The following TOMM70 variants were observed in gnomAD, a reference collection of about 807,000 sequenced individuals.
TOMM70 encodes mitochondrial import receptor subunit TOM70.
TOMM70 carries 13 observed loss-of-function variants against 73.6 expected under a neutral mutation model. That is an observed-to-expected ratio of 0.18 (90% CI 0.11 to 0.28). TOMM70 has a LOEUF of 0.28. TOMM70 is among the 10% of genes least tolerant of loss of function. The pLI, the probability that TOMM70 is intolerant of heterozygous loss-of-function variation, is 1.00. For missense variants in TOMM70, 609 were observed against 747.5 expected (o/e 0.81, Z 2.16); for synonymous variants, 257 against 271.2 (o/e 0.95, Z 0.51).
intron 4 of TOMM70, among the ~76,000 whole-genome samples, chr3:100,383,555 A>G (rs1235355232): frequency 6.6e-6 from 1 of 151,754 alleles, no homozygotes; most frequent in Non-Finnish European, 1.5e-5. Context: ...GAGACTGGGA[A>G]CCACTACAGC....
Position 100,367,009 on chromosome 3 carries a change from CGA to C in TOMM70, c.1673+1033_1673+1034del, listed in dbSNP as rs1706453685. Among the ~76,000 whole-genome samples the C allele has an allele frequency of 2.0e-5, 3 of 152,260 alleles. No homozygotes were observed. The South Asian group carries it at 6.2e-4, about 32-fold the overall frequency. ...CTGAGATGGGCAAATCACTTGAGGC[CGA>C]GAGTTTGAGACCATCCTGGCCAACA... On this transcript the variant is annotated intron_variant, in intron 11 of 11. Transcript: ENST00000284320.
intron 9 of TOMM70, among the ~76,000 whole-genome samples, chr3:100,371,130 C>T (rs1255028225): frequency 1.3e-5 from 2 of 152,124 alleles, no homozygotes; most frequent in Admixed American, 6.5e-5. Context: ...CATAGTTCCA[C>T]CCTCAATAAA....
At chr3:100,394,509 T>A (rs144554254) in intron 1 of TOMM70, among the ~76,000 whole-genome samples, 6 of 103,578 alleles carry the variant, frequency 5.8e-5, no homozygotes, top group Non-Finnish European at 1.0e-4. Context: ...TTACTTACTT[T>A]CTTTCTTTTT....
intron 1 of TOMM70, among the ~76,000 whole-genome samples, chr3:100,390,830 A>C (rs1706750894): frequency 6.6e-6 from 1 of 151,976 alleles, no homozygotes; most frequent in South Asian, 2.1e-4. Context: ...CTGCATCCCA[A>C]AAGAAACAAA....
intron 9 of TOMM70, among the ~76,000 whole-genome samples, chr3:100,369,498 ATTTTTT>A (rs11327711): frequency 1.5e-5 from 2 of 137,734 alleles, no homozygotes; most frequent in East Asian, 4.3e-4. Flanking sequence ...GCCCAAGGGA[ATTTTTT>A]TTTTTTTTTT....
chr3:100,386,708 C>CA, intron 2 of TOMM70, 97 bp downstream of exon 2: 1 of 1,417,662 alleles, frequency 7.1e-7, no homozygotes, highest in African/African-American at 1.5e-5. Context: ...GAAACAACTT[C>CA]AAAAAATGTA....
intron 1 of TOMM70, among the ~76,000 whole-genome samples, chr3:100,387,419 C>A (rs1034787884): frequency 6.6e-6 from 1 of 152,018 alleles, no homozygotes; most frequent in Non-Finnish European, 1.5e-5. Flanking sequence ...TGTACTCCAG[C>A]CTTGGTGAGA....
intron 11 of TOMM70, among the ~76,000 whole-genome samples, chr3:100,366,134 C>T (rs1266776921): frequency 1.3e-5 from 2 of 152,142 alleles, no homozygotes; most frequent in Admixed American, 6.5e-5. Flanking sequence ...GACATAATAC[C>T]GGGACACTAA....
At chr3:100,394,123 T>G (rs1422902688) in intron 1 of TOMM70, among the ~76,000 whole-genome samples, 2 of 152,248 alleles carry the variant, frequency 1.3e-5, no homozygotes, top group Non-Finnish European at 2.9e-5. Flanking sequence ...TACATTAATC[T>G]GCGTGTGAGA....
intron 1 of TOMM70, among the ~76,000 whole-genome samples, chr3:100,399,936 G>C (rs570490684): frequency 2.0e-5 from 3 of 152,068 alleles, no homozygotes; most frequent in Non-Finnish European, 4.4e-5. Flanking sequence ...TGGCAGGAGA[G>C]GTTACGGGCG....
At chr3:100,390,103 C>T (rs1706741568) in intron 1 of TOMM70, among the ~76,000 whole-genome samples, 1 of 151,996 alleles carries the variant, frequency 6.6e-6, no homozygotes, top group South Asian at 2.1e-4. Flanking sequence ...GGCTCCAAGA[C>T]AAAAGGTCAT....
intron 1 of TOMM70, among the ~76,000 whole-genome samples, chr3:100,394,892 A>G (rs1235367639): frequency 2.6e-5 from 4 of 152,196 alleles, no homozygotes; most frequent in African/African-American, 9.7e-5. Context: ...AAAACCTAAG[A>G]TAATAAAAAA....
In TOMM70 at chr3:100,377,705, C is replaced by T. The variant is rs1344883712; in HGVS notation, c.1092G>A (p.Lys364=). The change falls in exon 6 of 12, where the codon AAG becomes AAA. Residue 364 remains lysine (K), a splice_region_variant and synonymous_variant. Coordinates refer to ENST00000284320, the MANE Select transcript of TOMM70 (RefSeq NM_014820.5). ...TCTTCACACACATTTTTTAATGTAC[C>T]TTCACATTAGCTTCTTTCAAACTGA... ...KVISLKEANV[K]LRANALIKRG... is the part of the protein sequence containing the mutation. 1 of 1,604,554 alleles carries T rather than the reference C, an allele frequency of 6.2e-7. No individual in the cohort carries two copies. The highest frequency in any genetic ancestry group is 8.5e-7 in the Non-Finnish European group (1 of 1,172,350).
chr3:100,374,135 G>T (rs1706538616), intron 7 of TOMM70, among the ~76,000 whole-genome samples: 1 of 152,320 alleles, frequency 6.6e-6, no homozygotes, highest in South Asian at 2.1e-4. Flanking sequence ...CCAAAAGATT[G>T]TAATACTGCA....
chr3:100,376,026 C>CT (rs1029171492), intron 6 of TOMM70, among the ~76,000 whole-genome samples: 3 of 152,118 alleles, frequency 2.0e-5, no homozygotes, highest in African/African-American at 7.2e-5. Flanking sequence ...TTCAAAAACA[C>CT]TTATTATTGT....
intron 9 of TOMM70, chr3:100,371,883 C>T (rs1481082911): frequency 1.3e-5 from 2 of 152,192 alleles, no homozygotes; most frequent in Admixed American, 1.3e-4. Context: ...GCCCAAGGCT[C>T]ACCTGCTGTG....
intron 2 of TOMM70, 124 bp downstream of exon 2, chr3:100,386,681 C>T: frequency 2.5e-6 from 3 of 1,199,148 alleles, no homozygotes; most frequent in Non-Finnish European, 3.5e-6. Context: ...GAAATAAGAA[C>T]AACATCCCAT....
intron 5 of TOMM70, among the ~76,000 whole-genome samples, chr3:100,379,995 A>G (rs1706612893): frequency 6.6e-6 from 1 of 152,162 alleles, no homozygotes; most frequent in South Asian, 2.1e-4. Flanking sequence ...CCTCTCCTGT[A>G]ATGACATTCC....
Position 100,372,647 on chromosome 3 carries a change from T to C in TOMM70, c.1411A>G (p.Lys471Glu), listed in dbSNP as rs1006384471. 1 of 1,614,136 alleles carries C rather than the reference T, an allele frequency of 6.2e-7. No homozygotes were observed. Among genetic ancestry groups the C allele is most frequent in the Non-Finnish European group, 8.5e-7 (1 of 1,179,998 alleles). Residue 471 changes from lysine (K) to glutamate (E), a missense_variant, in exon 9 of 12, where the codon AAA becomes GAA. Physicochemically the swap from Lys to Glu is moderately conservative, Grantham distance 56. Transcript: ENST00000284320. ...AMKGFEEVIKKFPRCAEGYAL... is the reference protein window; with the variant it reads ...AMKGFEEVIKEFPRCAEGYAL... ...TAGCCTTCGGCACACCTTGGAAATT[T>C]CTTTATGACCTCTTCAAAACCTTTC... is the stretch of plus-strand genomic sequence containing the variant.
Sources: gnomAD v4.1 joint callset for allele counts (sites outside exome capture counted in the v4.1 genomes callset) on GRCh38, gnomAD v4.1.1 for gene constraint, MANE v1.5 for transcripts, NCBI Gene and HGNC (gene_info 2026-07-23, HGNC 2026-07-21) for gene names.